The following TTC34 variants were observed in gnomAD, a reference collection of about 807,000 sequenced individuals.
The protein encoded by TTC34 is tetratricopeptide repeat domain 34.
A neutral mutation model predicts 40.7 loss-of-function variants in TTC34; 44 were observed. The observed-to-expected ratio is 1.08, with a 90% CI of 0.85 to 1.39. The LOEUF (loss-of-function observed/expected upper bound fraction) is 1.39, where lower values mean the gene tolerates loss of function less well. TTC34 is among the 40% of genes most tolerant of loss of function. The probability of loss-of-function intolerance (pLI) is 0.00; values close to 1 mark genes in which losing one functional copy is unlikely to be tolerated. For synonymous variants in TTC34, 422 were observed against 398.6 expected (o/e 1.06, Z -0.70); for missense variants, 884 against 838.0 (o/e 1.05, Z -0.68).
intron 6 of TTC34, among the ~76,000 whole-genome samples, chr1:2,685,342 T>A (rs1241169056): frequency 7.4e-6 from 1 of 135,858 alleles, no homozygotes; most frequent in Non-Finnish European, 1.5e-5. Flanking sequence ...TCTGACAGCC[T>A]GGAACGGCAC....
intron 6 of TTC34, among the ~76,000 whole-genome samples, chr1:2,684,967 A>T (rs1388438541): frequency 7.8e-6 from 1 of 128,062 alleles, no homozygotes; most frequent in Non-Finnish European, 1.6e-5. Flanking sequence ...CCCCCAGACG[A>T]GCATCTGACA....
rs1456136331 is a variant in TTC34 at position 2,749,660 on chromosome 1, G to A, written c.2226+33949C>T. On this transcript the variant is annotated intron_variant, in intron 6 of 8. Coordinates refer to ENST00000401095, the Ensembl canonical transcript of TTC34. Reference sequence around the variant, plus strand: ...CCCCCACACCCAGAGGTGAGCATCCGACAGCCTGGAGCAGCAACCTGCACA... The same window carrying A: ...CCCCCACACCCAGAGGTGAGCATCCAACAGCCTGGAGCAGCAACCTGCACA... Among the ~76,000 whole-genome samples the A allele has an allele frequency of 3.6e-5, 4 of 111,010 alleles. 1 individual carries two copies. Among genetic ancestry groups the A allele is most frequent in the Non-Finnish European group, 7.0e-5 (4 of 57,332 alleles). 72.8% of individuals were successfully genotyped at this position (111,010 alleles called of 152,430 possible).
intron 6 of TTC34, among the ~76,000 whole-genome samples, chr1:2,685,942 C>T (rs1399360519): frequency 4.4e-5 from 6 of 137,100 alleles, no homozygotes; most frequent in African/African-American, 2.9e-5. Context: ...ATGTGACAGC[C>T]GGGAACAGCA....
At chr1:2,683,586 C>A (rs561969361) in intron 6 of TTC34, among the ~76,000 whole-genome samples, 2 of 144,988 alleles carry the variant, frequency 1.4e-5, no homozygotes, top group Admixed American at 6.8e-5. Flanking sequence ...TGGAACAGCA[C>A]CCACACACTC....
intron 6 of TTC34, among the ~76,000 whole-genome samples, chr1:2,780,508 A>G (rs566641147): frequency 6.6e-6 from 1 of 152,260 alleles, no homozygotes; most frequent in Admixed American, 6.5e-5. Context: ...TCCCTGCAAC[A>G]TTTGTTGAAA....
chr1:2,754,839 G>GC, intron 6 of TTC34, among the ~76,000 whole-genome samples: 1 of 145,446 alleles, frequency 6.9e-6, no homozygotes, highest in East Asian at 2.0e-4. Context: ...GCATCTGACA[G>GC]ACTGGAACAG....
At chr1:2,752,970 C>T (rs1406871648) in intron 6 of TTC34, among the ~76,000 whole-genome samples, 2 of 143,026 alleles carry the variant, frequency 1.4e-5, no homozygotes, top group Non-Finnish European at 3.1e-5. Context: ...GAGCAACACC[C>T]ATACCCCCAG....
chr1:2,775,218 A>G (rs1569884313), intron 6 of TTC34: 1 of 149,624 alleles, frequency 6.7e-6, no homozygotes, highest in East Asian at 2.0e-4. Flanking sequence ...AGTCTGGAAC[A>G]GCATCCACAC....
At chr1:2,793,383 C>T (rs1207218073) in intron 2 of TTC34, among the ~76,000 whole-genome samples, 1 of 152,130 alleles carries the variant, frequency 6.6e-6, no homozygotes. Flanking sequence ...ACTCTGCATA[C>T]TAATTTATCT....
rs1288623148 is a variant in TTC34 at position 2,796,430 on chromosome 1, TG to T, written c.784+3613del. The stretch of plus-strand genomic sequence containing the variant: ...GGGGAGTCCCTTGACCGAAGTGACT[TG>T]GGTCTAATGGATGCACAATTCTTAG... On this transcript the variant is annotated intron_variant, in intron 2 of 8. Transcript: ENST00000401095. This position sits in a 1 kb window ranked among gnomAD's most constrained non-coding sequence, Gnocchi z 4.5. Among the ~76,000 whole-genome samples, 2 of 152,164 alleles carry T rather than the reference TG, an allele frequency of 1.3e-5. No homozygotes were observed. The highest frequency in any genetic ancestry group is 2.4e-5 in the African/African-American group (1 of 41,446).
intron 8 of TTC34, 114 bp from the exon 9 acceptor site, chr1:2,642,009 T>A: frequency 8.3e-7 from 1 of 1,207,616 alleles, no homozygotes; most frequent in South Asian, 1.7e-5. Flanking sequence ...TCCCTGGGGA[T>A]GGCGGGGCCC....
chr1:2,797,767 G>C (rs1240840467), intron 2 of TTC34, among the ~76,000 whole-genome samples: 1 of 151,886 alleles, frequency 6.6e-6, no homozygotes, highest in Admixed American at 6.6e-5. Context: ...GTCTCAAACT[G>C]GGGGCGTCTA....
chr1:2,752,714 C>T (rs1157589472), intron 6 of TTC34, among the ~76,000 whole-genome samples: 1 of 133,490 alleles, frequency 7.5e-6, no homozygotes, highest in Admixed American at 7.5e-5. Flanking sequence ...CATCTGACAG[C>T]ATGGAACAGC....
chr1:2,674,880 G>C (rs111485642), intron 6 of TTC34, among the ~76,000 whole-genome samples: 3 of 87,478 alleles, frequency 3.4e-5, no homozygotes, highest in African/African-American at 3.9e-5. Flanking sequence ...AGCGCCCACA[G>C]CCACAGGCGA....
At chr1:2,751,410 C>A (rs1641314738) in intron 6 of TTC34, among the ~76,000 whole-genome samples, 1 of 139,926 alleles carries the variant, frequency 7.1e-6, no homozygotes. Flanking sequence ...CCCACACACA[C>A]AGGTGGGCAT....
At chr1:2,756,881 C>G (rs1641524596) in intron 6 of TTC34, among the ~76,000 whole-genome samples, 1 of 152,098 alleles carries the variant, frequency 6.6e-6, no homozygotes, top group Admixed American at 6.5e-5. Flanking sequence ...AGGTGAGCAT[C>G]TGATGGTCTG....
intron 6 of TTC34, among the ~76,000 whole-genome samples, chr1:2,653,717 G>A (rs1639234463): frequency 6.6e-6 from 1 of 151,902 alleles, no homozygotes; most frequent in African/African-American, 2.4e-5. Flanking sequence ...ATGGTCTGGA[G>A]CAGCACCCAC....
intron 6 of TTC34, among the ~76,000 whole-genome samples, chr1:2,652,121 G>A (rs56396162): frequency 0.36 from 168 of 464 alleles, 55 homozygotes; most frequent in Admixed American, 0.53. Context: ...ACAGCACCCT[G>A]CACCCCCAGG....
At chr1:2,753,308 A>G (rs1641388484) in intron 6 of TTC34, among the ~76,000 whole-genome samples, 1 of 124,382 alleles carries the variant, frequency 8.0e-6, no homozygotes, top group Non-Finnish European at 1.6e-5. Flanking sequence ...CCAGGTGAGC[A>G]TCCGACAGCC....
Sources: allele counts gnomAD v4.1 joint callset (sites outside exome capture counted in the v4.1 genomes callset), GRCh38; gene constraint gnomAD v4.1.1; non-coding constraint Gnocchi (gnomAD v3.1); transcripts MANE v1.5; gene names NCBI Gene and HGNC (gene_info 2026-07-23, HGNC 2026-07-21).